The following ANO10 variants were observed in gnomAD, a reference collection of about 807,000 sequenced individuals.
ANO10 encodes anoctamin 10.
A neutral mutation model predicts 74.7 loss-of-function variants in ANO10; 77 were observed. That is an observed-to-expected ratio of 1.03 (90% CI 0.86 to 1.25). The LOEUF (loss-of-function observed/expected upper bound fraction) is 1.25, where lower values mean the gene tolerates loss of function less well. ANO10 is among the 50% of genes most tolerant of loss of function. ANO10 has a pLI of 0.00. For missense variants in ANO10, 721 were observed against 778.1 expected (o/e 0.93, Z 0.87); for synonymous variants, 279 against 284.9 (o/e 0.98, Z 0.21).
At chr3:43,422,774 TAC>T (rs1362025370) in intron 12 of ANO10, among the ~76,000 whole-genome samples, 1 of 152,248 alleles carries the variant, frequency 6.6e-6, no homozygotes, top group Non-Finnish European at 1.5e-5. Context: ...ATATAAATTT[TAC>T]AGTTTGCTTA....
intron 11 of ANO10, among the ~76,000 whole-genome samples, chr3:43,483,625 CTGAG>C (rs1208866587): frequency 1.3e-5 from 2 of 152,180 alleles, no homozygotes; most frequent in African/African-American, 4.8e-5. Flanking sequence ...GAGGTTTATC[CTGAG>C]CCAATATGAG....
Position 43,556,502 on chromosome 3 carries a change from T to C in ANO10, c.1477-1033A>G, listed in dbSNP as rs3772159. 2.1e-4 allele frequency among the ~76,000 whole-genome samples: 32 copies of C among 152,336 alleles called. No homozygotes were observed. In the East Asian group the frequency reaches 4.8e-3, roughly 23 times the overall value. ...CTCTCGGGGTGATTCTGAGTGATGA[T>C]AGCTACACGTTAACACTGTATCAGC... On this transcript the variant is annotated intron_variant, in intron 9 of 12. Coordinates refer to ENST00000292246, the MANE Select transcript of ANO10 (RefSeq NM_018075.5).
At chr3:43,410,492 C>T (rs1167527360) in intron 12 of ANO10, among the ~76,000 whole-genome samples, 1 of 152,080 alleles carries the variant, frequency 6.6e-6, no homozygotes, top group Admixed American at 6.5e-5. Flanking sequence ...GTCTTACTGG[C>T]CCTGTATCTG....
At chr3:43,429,048 G>A (rs554374405) in intron 12 of ANO10, among the ~76,000 whole-genome samples, 36 of 152,184 alleles carry the variant, frequency 2.4e-4, no homozygotes, top group African/African-American at 8.2e-4. Flanking sequence ...TTGCCTCACT[G>A]TCAGGTAAAG....
At position 43,565,690 on chromosome 3, in the gene ANO10, A is replaced by G. The variant is rs1458221388; in HGVS notation, c.1256T>C (p.Ile419Thr). ...CTTCATATCTTTCAAGACAAAGGCA[A>G]TATAGAAGAGTGAGGCAAAGCAATT... Reference protein sequence around the residue: ...FLNCFASLFYIAFVLKDMKLL... With the variant: ...FLNCFASLFYTAFVLKDMKLL... Residue 419 changes from isoleucine to threonine, a missense_variant, in exon 8 of 13, where the codon ATT (isoleucine) becomes ACT (threonine). Physicochemically the swap from Ile to Thr is moderately conservative, Grantham distance 89. Transcript: ENST00000292246. 4.4e-6 allele frequency: 7 copies of G among 1,578,610 alleles called. No individual in the cohort carries two copies. The highest frequency in any genetic ancestry group is 6.0e-6 in the Non-Finnish European group (7 of 1,160,940).
chr3:43,530,365 C>T (rs1035914691), intron 11 of ANO10, among the ~76,000 whole-genome samples: 1 of 150,890 alleles, frequency 6.6e-6, no homozygotes, highest in East Asian at 1.9e-4. Flanking sequence ...AAGATCTACA[C>T]GTTATGTTTA....
chr3:43,568,857 G>C (rs2080526376), intron 7 of ANO10, among the ~76,000 whole-genome samples: 2 of 149,720 alleles, frequency 1.3e-5, no homozygotes, highest in African/African-American at 2.5e-5. Context: ...GAAGGAGATA[G>C]AGACACAAAA....
rs1182501393 is a variant in ANO10, at chr3:43,552,726, A to ATATG, written c.1668+2548_1668+2551dup. 8.0e-3 allele frequency among the ~76,000 whole-genome samples: 764 copies of ATATG among 95,500 alleles called. 7 individuals are homozygous for ATATG. Among genetic ancestry groups the ATATG allele is most frequent in the African/African-American group, 0.025 (609 of 24,560 alleles). 62.7% of individuals were successfully genotyped at this position (95,500 alleles called of 152,430 possible). On this transcript the variant is annotated intron_variant, in intron 10 of 12. Coordinates refer to ENST00000292246, the MANE Select transcript of ANO10 (RefSeq NM_018075.5). ...TATATATATATATATATATATATAT[A>ATATG]TATGTATGTATGTATGTATGTATGT...
At chr3:43,487,873 C>T (rs2076559522) in intron 11 of ANO10, among the ~76,000 whole-genome samples, 1 of 151,722 alleles carries the variant, frequency 6.6e-6, no homozygotes, top group African/African-American at 2.4e-5. Flanking sequence ...CAATCCTAAG[C>T]CAAAAGAACA....
At chr3:43,430,391 T>C (rs2148935761) in intron 12 of ANO10, among the ~76,000 whole-genome samples, 1 of 152,100 alleles carries the variant, frequency 6.6e-6, no homozygotes, top group African/African-American at 2.4e-5. Context: ...CCCAGACTTT[T>C]AATAGACTTC....
chr3:43,553,335 CA>C (rs200212120), intron 10 of ANO10, among the ~76,000 whole-genome samples: 3,439 of 152,204 alleles, frequency 0.023, 78 homozygotes, highest in East Asian at 0.11. Context: ...CTTGAATCTG[CA>C]GTTTTGGGTC....
intron 1 of ANO10, among the ~76,000 whole-genome samples, chr3:43,618,995 G>A (rs1254886740): frequency 3.3e-5 from 5 of 152,026 alleles, no homozygotes; most frequent in East Asian, 1.9e-4. Context: ...TAGTGGAGAC[G>A]GGGTTTCACC....
intron 1 of ANO10, among the ~76,000 whole-genome samples, chr3:43,678,491 T>C (rs2084151154): frequency 6.6e-6 from 1 of 152,200 alleles, no homozygotes; most frequent in Non-Finnish European, 1.5e-5. Context: ...CCAGACATTG[T>C]ATGGGAAAGC....
rs2219902 is a variant in ANO10, at chr3:43,491,841, T to G, written c.1797+57879A>C. Among the ~76,000 whole-genome samples, 3 of 152,108 alleles carry G rather than the reference T, an allele frequency of 2.0e-5. 1 individual carries two copies. Among genetic ancestry groups the G allele is most frequent in the African/African-American group, 7.2e-5 (3 of 41,494 alleles). The stretch of plus-strand genomic sequence containing the variant: ...ATGGTTTATTTCAGGAATGCAGAGA[T>G]AGCTTAAAATTAGCAACACTATCAA... On this transcript the variant is annotated intron_variant, in intron 11 of 12. Transcript: ENST00000292246.
chr3:43,404,641 C>T (rs774159937), intron 12 of ANO10, among the ~76,000 whole-genome samples: 2 of 151,960 alleles, frequency 1.3e-5, no homozygotes, highest in Non-Finnish European at 2.9e-5. Context: ...CAGCATTTTA[C>T]AAGGCTGAGG....
At position 43,643,678 on chromosome 3, in the gene ANO10, C is replaced by CTTTTTTTTTTTTTTTTTTTTT. The variant is rs1310556861; in HGVS notation, c.-11-37816_-11-37815insAAAAAAAAAAAAAAAAAAAAA. Among the ~76,000 whole-genome samples, 21 of 133,624 alleles carry CTTTTTTTTTTTTTTTTTTTTT rather than the reference C, an allele frequency of 1.6e-4. 1 individual carries two copies. The highest frequency in any genetic ancestry group is 5.9e-4 in the African/African-American group (19 of 32,126). 87.7% of individuals were successfully genotyped at this position (133,624 alleles called of 152,430 possible). On this transcript the variant is annotated intron_variant, in intron 1 of 3. Transcript: ENST00000413397. The stretch of plus-strand genomic sequence containing the variant: ...AAGCTTTTCATGTACTTGTCCTCAT[C>CTTTTTTTTTTTTTTTTTTTTT]TTTTCTTTTTTTTTTTTTTTTTTTA...
rs2080919994 is a variant in ANO10, at chr3:43,574,833, GT to G, written c.1193del (p.Asn398ThrfsTer3). The G allele has an allele frequency of 6.2e-7, 1 of 1,613,834 alleles. No individual in the cohort carries two copies. The highest frequency in any genetic ancestry group is 1.3e-5 in the African/African-American group (1 of 74,878). The part of the protein sequence containing the change: ...ENHRLESAYQ[N>X]HLILKVLVFN... ...CCACTAAAACTTTCAGAATTAGATG[GT>G]TCTGATAGGCAGATTCCAATCTGTG... On this transcript the variant is annotated frameshift_variant, in exon 7 of 13. Transcript: ENST00000292246. LOFTEE classifies it high-confidence loss of function.
chr3:43,484,984 G>C, intron 11 of ANO10: 1 of 1,419,934 alleles, frequency 7.0e-7, no homozygotes, highest in Non-Finnish European at 9.6e-7. Context: ...AGAAGAAGGT[G>C]TTGGGCCTCT....
chr3:43,540,346 C>T (rs2078901553), intron 11 of ANO10, among the ~76,000 whole-genome samples: 1 of 152,104 alleles, frequency 6.6e-6, no homozygotes, highest in South Asian at 2.1e-4. Context: ...TCTAAGATGC[C>T]CAGGTTTGTT....
Sources: gnomAD v4.1 joint callset for allele counts (sites outside exome capture counted in the v4.1 genomes callset) on GRCh38, gnomAD v4.1.1 for gene constraint, MANE v1.5 for transcripts, NCBI Gene and HGNC (gene_info 2026-07-23, HGNC 2026-07-21) for gene names.